TBC1D5: variants seen among roughly 807,000 people sequenced by gnomAD.
The protein encoded by TBC1D5 is TBC1 domain family, member 5.
A neutral mutation model predicts 100.3 loss-of-function variants in TBC1D5; 75 were observed. The ratio of observed to expected loss-of-function variants is 0.75; its 90% CI spans 0.62 to 0.91. The LOEUF (loss-of-function observed/expected upper bound fraction) is 0.91, where lower values mean the gene tolerates loss of function less well. Ranked by LOEUF, TBC1D5 falls within the 40% of genes least tolerant of loss-of-function variation. The pLI is 0.00. For synonymous variants in TBC1D5, 323 were observed against 325.6 expected (o/e 0.99, Z 0.09); for missense variants, 910 against 942.4 (o/e 0.97, Z 0.45).
chr3:17,421,811 C>T (rs924921650), intron 4 of TBC1D5, among the ~76,000 whole-genome samples: 1 of 152,242 alleles, frequency 6.6e-6, no homozygotes, highest in Admixed American at 6.5e-5. Flanking sequence ...TTTAGTTTGT[C>T]TTATTTCTGT....
intron 3 of TBC1D5, among the ~76,000 whole-genome samples, chr3:17,431,075 T>C (rs1302568031): frequency 3.9e-5 from 6 of 151,938 alleles, no homozygotes; most frequent in Non-Finnish European, 7.4e-5. Context: ...AAAATAAGTA[T>C]TAATTTTATA....
intron 2 of TBC1D5, among the ~76,000 whole-genome samples, chr3:17,526,309 C>G (rs926333025): frequency 2.0e-5 from 3 of 152,136 alleles, no homozygotes; most frequent in Non-Finnish European, 4.4e-5. Flanking sequence ...TCTCCAACTC[C>G]TAGACTCAAG....
intron 2 of TBC1D5, among the ~76,000 whole-genome samples, chr3:17,543,729 G>A (rs1350421224): frequency 1.3e-5 from 2 of 152,108 alleles, no homozygotes; most frequent in African/African-American, 2.4e-5. Context: ...TAGGTATTAT[G>A]CCTATATTCA....
At chr3:17,397,709 G>C (rs529435641) in intron 8 of TBC1D5, among the ~76,000 whole-genome samples, 1 of 152,180 alleles carries the variant, frequency 6.6e-6, no homozygotes, top group Non-Finnish European at 1.5e-5. Context: ...ACTCACCATG[G>C]AGATACAAGT....
At chr3:17,472,288 G>A (rs559654622) in intron 3 of TBC1D5, among the ~76,000 whole-genome samples, 14 of 151,928 alleles carry the variant, frequency 9.2e-5, no homozygotes, top group African/African-American at 2.2e-4. Context: ...ACAGGCACGC[G>A]CCACCACACC....
At chr3:17,375,698 C>T (rs1223753546) in intron 10 of TBC1D5, among the ~76,000 whole-genome samples, 2 of 151,018 alleles carry the variant, frequency 1.3e-5, no homozygotes, top group Admixed American at 6.6e-5. Flanking sequence ...GTAAAATTAG[C>T]AAAGCTTCAA....
chr3:17,245,293 T>A (rs894779920), intron 16 of TBC1D5, among the ~76,000 whole-genome samples: 9 of 152,240 alleles, frequency 5.9e-5, no homozygotes, highest in Admixed American at 4.6e-4. Context: ...TTTACTTCAA[T>A]GAAAGACTTC....
intron 2 of TBC1D5, among the ~76,000 whole-genome samples, chr3:17,530,071 C>A (rs1217569568): frequency 6.6e-6 from 1 of 151,730 alleles, no homozygotes; most frequent in African/African-American, 2.4e-5. Flanking sequence ...TAGTGAAATC[C>A]CATCTCTACT....
chr3:17,168,762 T>C (rs1482456948), intron 19 of TBC1D5, among the ~76,000 whole-genome samples: 3 of 152,088 alleles, frequency 2.0e-5, no homozygotes, highest in Non-Finnish European at 4.4e-5. Context: ...TCACCCTCCA[T>C]TAACATCTGC....
exon 22 of TBC1D5, chr3:17,158,374 T>G (rs2065765656): frequency 6.6e-6 from 1 of 152,214 alleles, no homozygotes; most frequent in Non-Finnish European, 1.5e-5. Flanking sequence ...TTAAAAAATG[T>G]ACAATTAAAC....
At chr3:17,337,324 A>G (rs769835920) in intron 13 of TBC1D5, 4 of 152,110 alleles carry the variant, frequency 2.6e-5, no homozygotes, top group Non-Finnish European at 5.9e-5. Flanking sequence ...AGTAGAAACT[A>G]TCTAGGTCTG....
chr3:17,165,979 G>C (rs745652721), intron 21 of TBC1D5, among the ~76,000 whole-genome samples: 1 of 152,242 alleles, frequency 6.6e-6, no homozygotes, highest in Non-Finnish European at 1.5e-5. Flanking sequence ...GAGCAGACAG[G>C]ACTAGGCACA....
At chr3:17,349,300 TG>T (rs2151622192) in intron 13 of TBC1D5, among the ~76,000 whole-genome samples, 1 of 152,234 alleles carries the variant, frequency 6.6e-6, no homozygotes, top group Admixed American at 6.5e-5. Context: ...GTTAAGTAGG[TG>T]GGTGGGACTG....
chr3:17,698,274 C>G (rs942340369), intron 1 of TBC1D5, among the ~76,000 whole-genome samples: 20 of 152,242 alleles, frequency 1.3e-4, no homozygotes, highest in African/African-American at 3.6e-4. Flanking sequence ...ACAAACCTGA[C>G]AAAAACAAGC....
At chr3:17,203,946 G>C (rs2071812783) in intron 18 of TBC1D5, among the ~76,000 whole-genome samples, 1 of 152,160 alleles carries the variant, frequency 6.6e-6, no homozygotes, top group East Asian at 1.9e-4. Flanking sequence ...CAACCAAAAG[G>C]GAGTTCCTTA....
At position 17,544,161 on chromosome 3, in the gene TBC1D5, C is replaced by T. The variant is rs1576617988; in HGVS notation, c.-35-35556G>A. Among the ~76,000 whole-genome samples the T allele has an allele frequency of 2.6e-5, 4 of 152,124 alleles. No individual in the cohort carries two copies. The East Asian group carries it at 5.8e-4, about 22-fold the overall frequency. On this transcript the variant is annotated intron_variant, in intron 2 of 21. Coordinates refer to ENST00000253692, the Ensembl canonical transcript of TBC1D5. ...CGGATTACAGATGTGGGCCACTGCA[C>T]CTGGCCCAGAAAATCTGCTTTTCTT...
At chr3:17,654,898 T>A (rs1205367593) in intron 1 of TBC1D5, among the ~76,000 whole-genome samples, 1 of 152,268 alleles carries the variant, frequency 6.6e-6, no homozygotes, top group East Asian at 1.9e-4. Context: ...GGAGGGTGTA[T>A]GTGTCGAGCA....
chr3:17,605,808 C>T (rs921679278), intron 2 of TBC1D5, among the ~76,000 whole-genome samples: 1 of 151,992 alleles, frequency 6.6e-6, no homozygotes, highest in Non-Finnish European at 1.5e-5. Context: ...TTGTTAATAT[C>T]CAATAATGCA....
intron 1 of TBC1D5, among the ~76,000 whole-genome samples, chr3:17,723,960 T>C (rs771807378): frequency 6.6e-5 from 10 of 152,172 alleles, no homozygotes; most frequent in Non-Finnish European, 1.0e-4. Context: ...TATCTATACA[T>C]GTTCTCTTTA....
Sources: gnomAD v4.1 joint callset for allele counts (sites outside exome capture counted in the v4.1 genomes callset) on GRCh38, gnomAD v4.1.1 for gene constraint, MANE v1.5 for transcripts, NCBI Gene and HGNC (gene_info 2026-07-23, HGNC 2026-07-21) for gene names.